NLGN4Y: variants seen among roughly 807,000 people sequenced by gnomAD.
The protein encoded by NLGN4Y is neuroligin-4, Y-linked.
Under a neutral mutation model 8.4 loss-of-function variants are expected in NLGN4Y, and 4 were observed. The ratio of observed to expected loss-of-function variants is 0.48; its 90% CI spans 0.23 to 1.09. NLGN4Y has a LOEUF of 1.09. Ranked by LOEUF, NLGN4Y falls within the 50% of genes least tolerant of loss-of-function variation. The probability of loss-of-function intolerance (pLI) is 0.19; values close to 1 mark genes in which losing one functional copy is unlikely to be tolerated. For missense variants in NLGN4Y, 90 were observed against 192.3 expected, an observed-to-expected ratio of 0.47 and a Z score of 3.15; for synonymous variants, 35 against 75.6, an observed-to-expected ratio of 0.46 and a Z score of 2.78.
intron 1 of NLGN4Y, among the ~76,000 whole-genome samples, chrY:14,584,789 ATAGT>A (rs2080332943): frequency 6.1e-5 from 2 of 32,972 alleles, no homozygotes; most frequent in Admixed American, 2.8e-4. Context: ...TTTTATTGAA[ATAGT>A]TAGCACATAT....
intron 1 of NLGN4Y, among the ~76,000 whole-genome samples, chrY:14,600,996 T>A: frequency 3.1e-5 from 1 of 32,486 alleles, no homozygotes; most frequent in African/African-American, 1.2e-4. Context: ...CTATTAACCA[T>A]CCCCACTTCT....
intron 1 of NLGN4Y, among the ~76,000 whole-genome samples, chrY:14,526,657 G>GT (rs2080095509): frequency 3.1e-5 from 1 of 32,625 alleles, no homozygotes; most frequent in South Asian, 6.9e-4. Context: ...CCATTTTAAA[G>GT]TTGCTTTGAT....
chrY:14,626,643 G>C, intron 2 of NLGN4Y, among the ~76,000 whole-genome samples: 2 of 33,707 alleles, frequency 5.9e-5, no homozygotes, highest in East Asian at 1.6e-3. Flanking sequence ...GGCGCTGTGT[G>C]CTTTGGGCAG....
intron 5 of NLGN4Y, 107 bp from the exon 6 acceptor site, chrY:14,829,623 T>C: frequency 3.7e-6 from 1 of 272,984 alleles, no homozygotes; most frequent in Non-Finnish European, 5.7e-6. Flanking sequence ...TGCTACTACA[T>C]CCAGAAATTC....
intron 2 of NLGN4Y, among the ~76,000 whole-genome samples, chrY:14,634,792 A>G: frequency 3.0e-5 from 1 of 33,691 alleles, no homozygotes; most frequent in Non-Finnish European, 7.4e-5. Context: ...CAAGTTATAA[A>G]ACACATAAAC....
At chrY:14,820,056 A>G in intron 4 of NLGN4Y, among the ~76,000 whole-genome samples, 4 of 33,157 alleles carry the variant, frequency 1.2e-4, no homozygotes, top group Non-Finnish European at 3.0e-4. Context: ...AAGATCCTGC[A>G]ACAGTCCCTG....
At chrY:14,551,134 T>C in intron 1 of NLGN4Y, among the ~76,000 whole-genome samples, 3 of 33,647 alleles carry the variant, frequency 8.9e-5, no homozygotes, top group Non-Finnish European at 2.2e-4. Flanking sequence ...AGGAGGGCTT[T>C]CAATCCTAGT....
chrY:14,711,765 T>A (rs913196917), intron 2 of NLGN4Y, among the ~76,000 whole-genome samples: 1 of 32,337 alleles, frequency 3.1e-5, no homozygotes, highest in Admixed American at 2.8e-4. Flanking sequence ...GCTACTTTAC[T>A]GAAAGCTCCA....
At chrY:14,756,630 C>G (rs2150568157) in intron 4 of NLGN4Y, among the ~76,000 whole-genome samples, 2 of 26,094 alleles carry the variant, frequency 7.7e-5, no homozygotes, top group African/African-American at 3.1e-4. Context: ...TGCCTGTAAT[C>G]TCAGCTACTG....
At chrY:14,785,592 G>A (rs2042960004) in intron 4 of NLGN4Y, among the ~76,000 whole-genome samples, 1 of 32,510 alleles carries the variant, frequency 3.1e-5, no homozygotes, top group East Asian at 8.1e-4. Context: ...GTGAAACCCC[G>A]TCTCTACTAA....
intron 1 of NLGN4Y, among the ~76,000 whole-genome samples, chrY:14,590,089 G>A (rs374377127): frequency 0.16 from 5,377 of 34,170 alleles, no homozygotes; most frequent in African/African-American, 0.6. Flanking sequence ...TGCGGGGCCC[G>A]CCAAGCCCAC....
At chrY:14,697,594 G>GATAGAT (rs2080834818) in intron 2 of NLGN4Y, among the ~76,000 whole-genome samples, 3 of 21,153 alleles carry the variant, frequency 1.4e-4, no homozygotes, top group East Asian at 3.5e-3. Flanking sequence ...ATAGATGAGA[G>GATAGAT]AGATAGATAG....
Position 14,572,747 on chromosome Y carries a change from C to G in NLGN4Y, c.-112+48039C>G, listed in dbSNP as rs2080277226. 1.2e-4 allele frequency among the ~76,000 whole-genome samples: 4 copies of G among 33,159 alleles called. No homozygotes were observed. In the East Asian group the frequency reaches 3.2e-3, roughly 26 times the overall value. The allele number at this position is 33,159 out of a possible 37,273, so 89.0% of individuals were successfully genotyped here. A position where few individuals can be genotyped will look rare whatever the true frequency, so the allele number is the denominator to read the frequency against. ...TTGGCTGTGGGTTTGTCATAGATAG[C>G]TCTTATCATTTTGAGATATGTCCCA... On this transcript the variant is annotated intron_variant, in intron 1 of 6. Coordinates refer to ENST00000684976, the MANE Select transcript of NLGN4Y (RefSeq NM_001365588.1).
intron 1 of NLGN4Y, among the ~76,000 whole-genome samples, chrY:14,613,264 G>A: frequency 1.2e-4 from 4 of 32,279 alleles, no homozygotes; most frequent in Non-Finnish European, 3.0e-4. Context: ...AAGACAACTT[G>A]GCTCCCTGAC....
chrY:14,564,332 G>A, intron 1 of NLGN4Y, among the ~76,000 whole-genome samples: 1 of 33,019 alleles, frequency 3.0e-5, no homozygotes, highest in African/African-American at 1.2e-4. Context: ...GGTCTGGATC[G>A]GTGGGTCCCA....
At chrY:14,640,145 C>G in intron 2 of NLGN4Y, 1 of 117,248 alleles carries the variant, frequency 8.5e-6, no homozygotes, top group Non-Finnish European at 1.9e-5. Flanking sequence ...TACAGGAACT[C>G]GAAAGGTTTG....
At chrY:14,731,704 A>G (rs748066828) in intron 4 of NLGN4Y, among the ~76,000 whole-genome samples, 1 of 33,026 alleles carries the variant, frequency 3.0e-5, no homozygotes. Flanking sequence ...AAGATGTTAG[A>G]TGTTTAAACT....
intron 2 of NLGN4Y, among the ~76,000 whole-genome samples, chrY:14,654,643 A>G (rs749142857): frequency 3.3e-5 from 1 of 30,204 alleles, no homozygotes; most frequent in African/African-American, 1.3e-4. Flanking sequence ...TATAGTTTGG[A>G]TTCATCAAAT....
At chrY:14,675,200 C>G (rs906899334) in intron 2 of NLGN4Y, among the ~76,000 whole-genome samples, 4 of 32,961 alleles carry the variant, frequency 1.2e-4, no homozygotes, top group African/African-American at 2.4e-4. Flanking sequence ...ATTTATAATC[C>G]AGATAATGAT....
Sources: allele counts gnomAD v4.1 joint callset (sites outside exome capture counted in the v4.1 genomes callset), GRCh38; gene constraint gnomAD v4.1.1; transcripts MANE v1.5; gene names NCBI Gene and HGNC (gene_info 2026-07-23, HGNC 2026-07-21).